Variants in CFAP74 observed in about 807,000 individuals in gnomAD.
The protein encoded by CFAP74 is cilia and flagella associated protein 74, also known as cilia- and flagella-associated protein 74.
In CFAP74, 124 loss-of-function variants were observed where a neutral mutation model predicts 188.9. The ratio of observed to expected loss-of-function variants is 0.66; its 90% CI spans 0.57 to 0.76. The LOEUF is 0.76. Among genes scored for constraint, CFAP74 ranks in the 30% least tolerant of loss-of-function variants. The probability of loss-of-function intolerance (pLI) is 0.00; values close to 1 mark genes in which losing one functional copy is unlikely to be tolerated. For synonymous variants in CFAP74, 956 were observed against 916.7 expected (o/e 1.04, Z -0.77); for missense variants, 2,198 against 2,165.2 (o/e 1.02, Z -0.30).
rs973015884 is a variant in CFAP74, at chr1:1,942,655, C to A, written c.2487-499G>T. Among the ~76,000 whole-genome samples, 20 of 152,316 alleles carry A rather than the reference C, an allele frequency of 1.3e-4. No homozygotes were observed. Among genetic ancestry groups the A allele is most frequent in the South Asian group, 4.1e-4 (2 of 4,834 alleles). On this transcript the variant is annotated intron_variant, in intron 21 of 38. Transcript: ENST00000682832. This position sits in a 1 kb window ranked among gnomAD's most constrained non-coding sequence, Gnocchi z 4.3. ...AGACGAGCCTGAGAGAGCCAAGGTA[C>A]CCGCCAGTCACCTGGGAGGCCATGC...
Position 1,922,177 on chromosome 1 carries a change from C to CTGAT in CFAP74, c.*109_*110insATCA. The CTGAT allele has an allele frequency of 1.5e-6, 1 of 684,368 alleles. No individual in the cohort carries two copies. Among genetic ancestry groups the CTGAT allele is most frequent in the Admixed American group, 3.6e-5 (1 of 28,144 alleles). The allele number at this position is 684,368 out of a possible 1,614,324, so 42.4% of individuals were successfully genotyped here. A position where few individuals can be genotyped will look rare whatever the true frequency, so the allele number is the denominator to read the frequency against. On this transcript the variant is annotated 3_prime_UTR_variant, in exon 39 of 39. Transcript: ENST00000682832. ...CATGTGGAGGGCGGCCTATTGGAAT[C>CTGAT]TGGCAGAGGATGGCCAGGTCCCAGG...
Position 1,923,174 on chromosome 1 carries a change from C to T in CFAP74, c.4523-29G>A. On this transcript the variant is annotated intron_variant, in intron 36 of 38. Coordinates refer to ENST00000682832, the MANE Select transcript of CFAP74 (RefSeq NM_001304360.2). The surrounding 1 kb of genome is among the most constrained non-coding windows in gnomAD (Gnocchi z 6.3). ...GAGGGGTGTGGCCAGGGGAGCTGTT[C>T]AGGGTCAGGCTGAGGCATGGGGTGA... 2 of 1,583,962 alleles carry T rather than the reference C, an allele frequency of 1.3e-6. No individual in the cohort carries two copies. Among genetic ancestry groups the T allele is most frequent in the Non-Finnish European group, 1.7e-6 (2 of 1,167,884 alleles).
rs571499184 is a variant in CFAP74 at position 1,932,844 on chromosome 1, G to A, written c.3012-2508C>T. On this transcript the variant is annotated intron_variant, in intron 25 of 38. Transcript: ENST00000682832. ...CCTGACCTCGTGATCTGCCCGCCTC[G>A]GCCTCCTCAAGTGTTGGGATTACAG... is the stretch of plus-strand genomic sequence containing the variant. Among the ~76,000 whole-genome samples, 21 of 150,684 alleles carry A rather than the reference G, an allele frequency of 1.4e-4. No individual in the cohort carries two copies. In the East Asian group the frequency reaches 1.8e-3, roughly 13 times the overall value.
intron 21 of CFAP74, among the ~76,000 whole-genome samples, chr1:1,943,859 C>T (rs993557746): frequency 6.6e-6 from 1 of 152,240 alleles, no homozygotes; most frequent in Admixed American, 6.5e-5. Context: ...CCTTGTGGCT[C>T]TACGGGACAG....
intron 25 of CFAP74, among the ~76,000 whole-genome samples, chr1:1,936,783 A>C (rs1652926004): frequency 6.6e-6 from 1 of 151,804 alleles, no homozygotes. Context: ...GTGTTCCTGT[A>C]GTCCTAGCCA....
Position 1,955,427 on chromosome 1 carries a change from G to A in CFAP74, c.2176+264C>T, listed in dbSNP as rs573603852. The A allele has an allele frequency of 2.4e-5, 36 of 1,487,182 alleles. 1 individual carries two copies. In the East Asian group the frequency reaches 5.8e-4, roughly 24 times the overall value. 92.1% of individuals were successfully genotyped at this position (1,487,182 alleles called of 1,614,324 possible). On this transcript the variant is annotated intron_variant, in intron 18 of 38. Coordinates refer to ENST00000682832, the MANE Select transcript of CFAP74 (RefSeq NM_001304360.2). ...CCTCTTCCCCGCCCTGTGCGGCTCC[G>A]CCCGTGCTGGGCCTGCTGGGCCAAT...
chr1:1,945,861 G>A (rs982998189), intron 20 of CFAP74, among the ~76,000 whole-genome samples: 4 of 151,436 alleles, frequency 2.6e-5, no homozygotes, highest in Non-Finnish European at 5.9e-5. Context: ...AAGGCTCTGC[G>A]TGTGTGCACG....
chr1:1,927,502 G>T, intron 28 of CFAP74, 105 bp downstream of exon 28: 1 of 1,113,454 alleles, frequency 9.0e-7, no homozygotes, highest in Non-Finnish European at 1.3e-6. Context: ...CAGCCACATG[G>T]GTCATTCCGG....
At chr1:1,946,574 A>T in intron 19 of CFAP74, 135 bp from the exon 20 acceptor site, 1 of 1,132,506 alleles carries the variant, frequency 8.8e-7, no homozygotes, top group Non-Finnish European at 1.2e-6. Context: ...ACTTGGCCAC[A>T]GATGTCCTGG....
At position 1,974,136 on chromosome 1, in the gene CFAP74, C is replaced by A. The variant is rs200114158; in HGVS notation, c.563G>T (p.Arg188Leu). 1.9e-6 allele frequency: 3 copies of A among 1,612,684 alleles called. No individual in the cohort carries two copies. Among genetic ancestry groups the A allele is most frequent in the Non-Finnish European group, 2.5e-6 (3 of 1,179,312 alleles). The change falls in exon 7 of 39, where the codon CGT (arginine) becomes CTT (leucine). Residue 188 changes from arginine (R) to leucine (L), a missense_variant. Coordinates refer to ENST00000682832, the MANE Select transcript of CFAP74 (RefSeq NM_001304360.2). Reference sequence around the variant, plus strand: ...CCGCCCCGTGGCCTCCACCTCCTCACGGTCAGCTGTCCGGAAGGCCTCGAG... The same window carrying A: ...CCGCCCCGTGGCCTCCACCTCCTCAAGGTCAGCTGTCCGGAAGGCCTCGAG... ...GRLEAFRTADREEVEATGRRL... is the reference protein window; with the variant it reads ...GRLEAFRTADLEEVEATGRRL...
intron 18 of CFAP74, among the ~76,000 whole-genome samples, chr1:1,950,435 G>T (rs1654136713): frequency 1.3e-5 from 2 of 151,706 alleles, no homozygotes; most frequent in African/African-American, 2.4e-5. Flanking sequence ...CGCCTCCCAG[G>T]TTCAAGTGAT....
rs565878118 is a variant in CFAP74 at position 1,936,933 on chromosome 1, A to G, written c.3011+1922T>C. Among the ~76,000 whole-genome samples, 13 of 152,292 alleles carry G rather than the reference A, an allele frequency of 8.5e-5. No homozygotes were observed. In the East Asian group the frequency reaches 1.5e-3, roughly 18 times the overall value. On this transcript the variant is annotated intron_variant, in intron 25 of 38. Transcript: ENST00000682832. ...AAAAAAAAAAAAAAATTAAAATGTA[A>G]AAGTTCAGAAACAAATAATTGCACT...
At chr1:1,952,735 G>C (rs998102934) in intron 18 of CFAP74, among the ~76,000 whole-genome samples, 7 of 152,002 alleles carry the variant, frequency 4.6e-5, no homozygotes, top group African/African-American at 1.7e-4. Flanking sequence ...GCTCACTGCA[G>C]CCTTGACCTC....
intron 4 of CFAP74, 150 bp from the exon 5 acceptor site, chr1:1,987,185 C>A (rs1044759799): frequency 6.7e-6 from 4 of 599,044 alleles, no homozygotes; most frequent in Middle Eastern, 2.8e-4. Flanking sequence ...CACCTTCAAG[C>A]CACACAAGCA....
Position 1,948,480 on chromosome 1 carries a change from G to A in CFAP74, c.2177-1426C>T, listed in dbSNP as rs186927001. On this transcript the variant is annotated intron_variant, in intron 18 of 38. Coordinates refer to ENST00000682832, the MANE Select transcript of CFAP74 (RefSeq NM_001304360.2). ...TCTTGTTATATTGCCCAGGCTGATC[G>A]CAAACATCTGCTTAAGCGATCCTCC... 6.0e-5 allele frequency among the ~76,000 whole-genome samples: 9 copies of A among 150,792 alleles called. 1 individual carries two copies. Among genetic ancestry groups the A allele is most frequent in the African/African-American group, 2.0e-4 (8 of 40,928 alleles).
chr1:1,926,862 C>A, intron 29 of CFAP74, 32 bp downstream of exon 29: 1 of 1,549,634 alleles, frequency 6.5e-7, no homozygotes, highest in Non-Finnish European at 8.7e-7. Context: ...TTGCGGCTGA[C>A]CACACCCTGT....
At chr1:1,991,682 A>G (rs984172654) in intron 1 of CFAP74, among the ~76,000 whole-genome samples, 2 of 152,190 alleles carry the variant, frequency 1.3e-5, no homozygotes, top group African/African-American at 4.8e-5. Context: ...AAACTGTGTA[A>G]CATCAGTATC....
intron 16 of CFAP74, 37 bp downstream of exon 16, chr1:1,959,083 C>A (rs764114133): frequency 2.8e-6 from 4 of 1,449,830 alleles, no homozygotes; most frequent in Middle Eastern, 1.7e-4. Flanking sequence ...AGCCAGCATG[C>A]CCCGAGAAAT....
intron 1 of CFAP74, among the ~76,000 whole-genome samples, chr1:1,993,175 T>C (rs1570993618): frequency 8.0e-6 from 1 of 124,296 alleles, no homozygotes; most frequent in Non-Finnish European, 1.6e-5. Flanking sequence ...CATTCTAGCC[T>C]GGGCGACAGG....
Sources: gnomAD v4.1 joint callset for allele counts (sites outside exome capture counted in the v4.1 genomes callset) on GRCh38, gnomAD v4.1.1 for gene constraint, Gnocchi (gnomAD v3.1) non-coding constraint, MANE v1.5 for transcripts, NCBI Gene and HGNC (gene_info 2026-07-23, HGNC 2026-07-21) for gene names.